MDGA2: variants seen among roughly 807,000 people sequenced by gnomAD.
The protein encoded by MDGA2 is MAM domain-containing glycosylphosphatidylinositol anchor protein 2.
A neutral mutation model predicts 117.8 loss-of-function variants in MDGA2; 40 were observed. The ratio of observed to expected loss-of-function variants is 0.34; its 90% CI spans 0.26 to 0.44. The LOEUF is 0.44. MDGA2 is among the 20% of genes least tolerant of loss of function. MDGA2 has a pLI of 1.00. For missense variants in MDGA2, 1,123 were observed against 1,250.6 expected (o/e 0.90, Z 1.54); for synonymous variants, 452 against 439.0 (o/e 1.03, Z -0.37).
chr14:47,207,063 G>C (rs376337092), intron 3 of MDGA2, among the ~76,000 whole-genome samples: 2 of 151,994 alleles, frequency 1.3e-5, no homozygotes, highest in Non-Finnish European at 1.5e-5. Context: ...TAAGCAACAC[G>C]TGTTTCTCAT....
intron 8 of MDGA2, among the ~76,000 whole-genome samples, chr14:46,965,368 A>G (rs1033881417): frequency 1.3e-5 from 2 of 152,152 alleles, no homozygotes; most frequent in Non-Finnish European, 2.9e-5. Context: ...AGCCCATTCA[A>G]TTTTCAATGG....
intron 1 of MDGA2, among the ~76,000 whole-genome samples, chr14:47,587,600 A>G (rs1896349906): frequency 6.6e-6 from 1 of 151,706 alleles, no homozygotes; most frequent in Admixed American, 6.6e-5. Flanking sequence ...TTTCATAACA[A>G]CCCGAGTCAT....
intron 1 of MDGA2, among the ~76,000 whole-genome samples, chr14:47,304,119 A>C (rs1889366909): frequency 6.6e-6 from 1 of 152,168 alleles, no homozygotes; most frequent in Non-Finnish European, 1.5e-5. Context: ...TTTAGTATTC[A>C]TCAAAATATG....
chr14:47,365,973 T>C (rs1566756155), intron 1 of MDGA2, among the ~76,000 whole-genome samples: 1 of 152,226 alleles, frequency 6.6e-6, no homozygotes, highest in Non-Finnish European at 1.5e-5. Flanking sequence ...TCTAAATCTT[T>C]TTTAGAGCTA....
chr14:46,879,827 A>G (rs906013516), intron 11 of MDGA2, among the ~76,000 whole-genome samples: 5 of 152,124 alleles, frequency 3.3e-5, no homozygotes, highest in African/African-American at 7.2e-5. Flanking sequence ...TACATTATAC[A>G]TCTTATTTAT....
intron 10 of MDGA2, among the ~76,000 whole-genome samples, chr14:46,892,386 A>C (rs778332073): frequency 6.6e-6 from 1 of 151,934 alleles, no homozygotes; most frequent in Non-Finnish European, 1.5e-5. Flanking sequence ...TATGCATAAG[A>C]CCTGAAGCTA....
intron 10 of MDGA2, among the ~76,000 whole-genome samples, chr14:46,906,173 A>C (rs1883484577): frequency 6.6e-6 from 1 of 151,928 alleles, no homozygotes; most frequent in Admixed American, 6.6e-5. Flanking sequence ...TACTTCAGAA[A>C]GGAATGACAT....
intron 8 of MDGA2, among the ~76,000 whole-genome samples, chr14:47,028,743 G>A (rs995435616): frequency 6.6e-6 from 1 of 152,126 alleles, no homozygotes; most frequent in Non-Finnish European, 1.5e-5. Context: ...TCATGCTTAT[G>A]GGACTGAGAA....
chr14:47,476,101 T>C (rs1217719952), intron 1 of MDGA2, among the ~76,000 whole-genome samples: 1 of 152,124 alleles, frequency 6.6e-6, no homozygotes, highest in Non-Finnish European at 1.5e-5. Flanking sequence ...AAAGCATATA[T>C]AAAAATGTTC....
At chr14:47,548,447 T>G (rs1297765942) in intron 1 of MDGA2, among the ~76,000 whole-genome samples, 1 of 152,132 alleles carries the variant, frequency 6.6e-6, no homozygotes, top group Non-Finnish European at 1.5e-5. Flanking sequence ...TAATGACTAA[T>G]TTTTTTGCTT....
At chr14:46,922,783 T>C (rs1274640858) in intron 9 of MDGA2, among the ~76,000 whole-genome samples, 1 of 152,196 alleles carries the variant, frequency 6.6e-6, no homozygotes, top group Non-Finnish European at 1.5e-5. Context: ...AAACATCTCT[T>C]TGGTCTTCTT....
At chr14:47,357,325 C>T (rs1185443306) in intron 1 of MDGA2, among the ~76,000 whole-genome samples, 1 of 152,178 alleles carries the variant, frequency 6.6e-6, no homozygotes, top group African/African-American at 2.4e-5. Context: ...GCCATGAGAT[C>T]ACCCTAAAAA....
chr14:47,204,602 C>G (rs1885617624), intron 3 of MDGA2, among the ~76,000 whole-genome samples: 1 of 151,912 alleles, frequency 6.6e-6, no homozygotes, highest in Admixed American at 6.6e-5. Flanking sequence ...GCAACACCTT[C>G]TTCATTCCTA....
intron 1 of MDGA2, among the ~76,000 whole-genome samples, chr14:47,593,683 C>T (rs1312662487): frequency 6.6e-6 from 1 of 151,938 alleles, no homozygotes; most frequent in Non-Finnish European, 1.5e-5. Flanking sequence ...ACAATGAGAA[C>T]ACATGACCCA....
intron 1 of MDGA2, among the ~76,000 whole-genome samples, chr14:47,505,201 A>T (rs12885753): frequency 0.75 from 113,434 of 152,064 alleles, 42,812 homozygotes; most frequent in East Asian, 1. Flanking sequence ...GGTTGTCAGA[A>T]AGGGGAGAGG....
chr14:47,221,881 A>C (rs1039465791), intron 2 of MDGA2, among the ~76,000 whole-genome samples: 1 of 152,094 alleles, frequency 6.6e-6, no homozygotes, highest in Admixed American at 6.5e-5. Flanking sequence ...GTGATGTTTT[A>C]ATATAAGTTT....
chr14:47,327,241 T>C (rs1460970070), intron 1 of MDGA2, among the ~76,000 whole-genome samples: 1 of 152,212 alleles, frequency 6.6e-6, no homozygotes, highest in Non-Finnish European at 1.5e-5. Context: ...TTTGTTCCAT[T>C]GGCCTAATCC....
chr14:47,277,766 C>A (rs1212685321), intron 2 of MDGA2, among the ~76,000 whole-genome samples: 1 of 152,122 alleles, frequency 6.6e-6, no homozygotes, highest in African/African-American at 2.4e-5. Context: ...CTCAGGAAGG[C>A]TAAATTGTTC....
At chr14:47,582,049 T>C (rs1299925360) in intron 1 of MDGA2, among the ~76,000 whole-genome samples, 3 of 151,932 alleles carry the variant, frequency 2.0e-5, no homozygotes, top group East Asian at 3.9e-4. Context: ...CATATTGTTA[T>C]TGTTAGTGCC....
Sources: allele counts gnomAD v4.1 joint callset (sites outside exome capture counted in the v4.1 genomes callset), GRCh38; gene constraint gnomAD v4.1.1; transcripts MANE v1.5; gene names NCBI Gene and HGNC (gene_info 2026-07-23, HGNC 2026-07-21).